SCN3A: variants seen among roughly 807,000 people sequenced by gnomAD.
SCN3A encodes the protein sodium voltage-gated channel alpha subunit 3, also known as sodium channel protein type 3 subunit alpha.
Under a neutral mutation model 187.6 loss-of-function variants are expected in SCN3A, and 60 were observed. That is an observed-to-expected ratio of 0.32 (90% CI 0.26 to 0.40). The LOEUF is 0.40. SCN3A is among the 10% of genes least tolerant of loss of function. SCN3A has a pLI of 1.00. For synonymous variants in SCN3A, 788 were observed against 829.2 expected, an observed-to-expected ratio of 0.95 and a Z score of 0.85; for missense variants, 1,601 against 2,428.2, an observed-to-expected ratio of 0.66 and a Z score of 7.16.
intron 9 of SCN3A, among the ~76,000 whole-genome samples, chr2:165,158,261 CT>C (rs1425737804): frequency 1.1e-5 from 1 of 94,842 alleles, no homozygotes; most frequent in Non-Finnish European, 1.9e-5. Context: ...TACCTTTAGT[CT>C]TACAGACTCC....
In SCN3A at chr2:165,173,207, G is replaced by A. The variant is rs187838684; in HGVS notation, c.265-2659C>T. Among the ~76,000 whole-genome samples, 496 of 152,254 alleles carry A rather than the reference G, an allele frequency of 3.3e-3. 2 individuals carry two copies. Among genetic ancestry groups the A allele is most frequent in the Non-Finnish European group, 4.4e-3 (299 of 68,016 alleles). On this transcript the variant is annotated intron_variant, in intron 3 of 27. Transcript: ENST00000283254. ...TCAATGATTAGGACCACATCAATCAGAGAACTCAAAAAATGATGCAGCCAA... is the reference window on the plus strand; with the variant it reads ...TCAATGATTAGGACCACATCAATCAAAGAACTCAAAAAATGATGCAGCCAA...
At chr2:165,094,226 A>G in intron 26 of SCN3A, 148 bp downstream of exon 26, 1 of 750,478 alleles carries the variant, frequency 1.3e-6, no homozygotes, top group Admixed American at 1.9e-5. Flanking sequence ...TGAGTGCAGA[A>G]GTTGTGAATT....
chr2:165,203,633 G>A (rs991990530), intron 1 of SCN3A, among the ~76,000 whole-genome samples, 190 bp downstream of exon 1: 1 of 151,866 alleles, frequency 6.6e-6, no homozygotes, highest in Non-Finnish European at 1.5e-5. Context: ...TTTCCAGACA[G>A]GCTCTATTTT....
intron 11 of SCN3A, among the ~76,000 whole-genome samples, chr2:165,148,074 G>A (rs929652422): frequency 3.3e-5 from 5 of 151,958 alleles, no homozygotes; most frequent in Non-Finnish European, 5.9e-5. Flanking sequence ...CCCATTAACT[G>A]TAAGCTAGAT....
chr2:165,111,330 C>T (rs898320207), intron 21 of SCN3A, among the ~76,000 whole-genome samples: 4 of 152,054 alleles, frequency 2.6e-5, no homozygotes, highest in Admixed American at 2.0e-4. Context: ...AGCGAAACTC[C>T]GTCTCAAAAA....
chr2:165,095,208 T>C (rs1685310899), intron 25 of SCN3A, among the ~76,000 whole-genome samples: 1 of 152,066 alleles, frequency 6.6e-6, no homozygotes, highest in African/African-American at 2.4e-5. Context: ...AAAATGAAGA[T>C]GGAAAACTGG....
chr2:165,186,303 C>CA lies in SCN3A; in HGVS notation c.-51+247dup, dbSNP rs151304895. Among the ~76,000 whole-genome samples the CA allele has an allele frequency of 6.3e-3, 924 of 147,740 alleles. 4 individuals carry two copies. The highest frequency in any genetic ancestry group is 0.042 in the East Asian group (214 of 5,056). On this transcript the variant is annotated intron_variant, in intron 2 of 27. Transcript: ENST00000283254. ...AACAACAACAACAAAAAAACAAAAA[C>CA]AAAAAAAAAACTGAGTTAATCTCTC... is the stretch of plus-strand genomic sequence containing the variant.
chr2:165,177,662 A>G (rs891717508), intron 2 of SCN3A, among the ~76,000 whole-genome samples: 2 of 152,244 alleles, frequency 1.3e-5, no homozygotes, highest in Non-Finnish European at 2.9e-5. Flanking sequence ...CATGCCGATC[A>G]CCTGGATGAG....
chr2:165,195,758 T>C (rs528540519), intron 1 of SCN3A, among the ~76,000 whole-genome samples: 18 of 152,226 alleles, frequency 1.2e-4, no homozygotes, highest in African/African-American at 4.1e-4. Context: ...AATTTTAAGA[T>C]ACTGAGTAGA....
chr2:165,164,810 C>T (rs535849912), intron 5 of SCN3A, among the ~76,000 whole-genome samples: 5 of 152,076 alleles, frequency 3.3e-5, no homozygotes, highest in South Asian at 4.2e-4. Context: ...GACCTTCTAG[C>T]GCAGCAGTAT....
intron 1 of SCN3A, among the ~76,000 whole-genome samples, chr2:165,187,172 T>G (rs1691295888): frequency 6.6e-6 from 1 of 152,184 alleles, no homozygotes; most frequent in Non-Finnish European, 1.5e-5. Context: ...CACATTGGTG[T>G]TGTAGGTCAT....
chr2:165,147,863 C>T (rs1688447578), intron 11 of SCN3A, among the ~76,000 whole-genome samples: 3 of 151,994 alleles, frequency 2.0e-5, no homozygotes, highest in African/African-American at 7.2e-5. Flanking sequence ...TATTTTTAGA[C>T]TGGAAATGAT....
rs750658749 is a variant in SCN3A, at chr2:165,091,187, A to G, written c.4966T>C (p.Phe1656Leu). ...FALMMSLPALFNIGLLLFLVM... is the reference protein window; with the variant it reads ...FALMMSLPALLNIGLLLFLVM... ...AGGAAGAGCAGGAGGCCGATGTTAA[A>G]CAACGCAGGAAGGGACATCATCAAA... The change falls in exon 28 of 28, where the codon TTT (phenylalanine) becomes CTT (leucine). Residue 1656 changes from phenylalanine to leucine, a missense_variant. Physicochemically the swap from Phe to Leu is conservative, Grantham distance 22. Around this residue, in one of 11 missense-constraint regions of SCN3A, gnomAD observed 320 missense variants for 623.2 expected, o/e 0.51. Coordinates refer to ENST00000283254, the MANE Select transcript of SCN3A (RefSeq NM_006922.4). 3 of 1,614,142 alleles carry G rather than the reference A, an allele frequency of 1.9e-6. No homozygotes were observed. The highest frequency in any genetic ancestry group is 2.5e-6 in the Non-Finnish European group (3 of 1,180,004).
At chr2:165,170,588 T>C in intron 3 of SCN3A, 40 bp from the exon 4 acceptor site, 1 of 1,194,576 alleles carries the variant, frequency 8.4e-7, no homozygotes. Flanking sequence ...AAATTAGACA[T>C]GGGCTTATTT....
At position 165,163,045 on chromosome 2, in the gene SCN3A, A is replaced by T. The variant is rs142489454; in HGVS notation, c.695-217T>A. Among the ~76,000 whole-genome samples, 155 of 152,330 alleles carry T rather than the reference A, an allele frequency of 1.0e-3. 1 individual carries two copies. Among genetic ancestry groups the T allele is most frequent in the African/African-American group, 3.6e-3 (151 of 41,584 alleles). On this transcript the variant is annotated intron_variant, in intron 7 of 27. Transcript: ENST00000283254. ...ATTCAATATGAAGGTTTAAATATCT[A>T]GTCAGGAAGTTTTGTTTGTGTGGTT...
At chr2:165,163,944 A>G (rs899586020) in intron 6 of SCN3A, 2 of 1,508,336 alleles carry the variant, frequency 1.3e-6, no homozygotes, top group Non-Finnish European at 9.2e-7. Context: ...TTTATACTAA[A>G]TAAGGACTTA....
At chr2:165,138,208 G>T in intron 14 of SCN3A, 91 bp from the exon 15 acceptor site, 3 of 906,074 alleles carry the variant, frequency 3.3e-6, no homozygotes, top group Non-Finnish European at 5.5e-6. Context: ...CAAAATTGAT[G>T]CTTATATTTG....
At chr2:165,133,286 A>G (rs961805657) in intron 15 of SCN3A, among the ~76,000 whole-genome samples, 12 of 152,344 alleles carry the variant, frequency 7.9e-5, no homozygotes, top group Non-Finnish European at 1.3e-4. Flanking sequence ...TACTGGGTAT[A>G]TACCCAAAGG....
In SCN3A at chr2:165,139,550, A is replaced by T; in HGVS notation, c.2078T>A (p.Met693Lys). The change falls in exon 14 of 28, where the codon ATG becomes AAG. Residue 693 changes from methionine to lysine, a missense_variant. Physicochemically the swap from Met to Lys is moderately conservative, Grantham distance 95. Around this residue, in one of 11 missense-constraint regions of SCN3A, gnomAD observed 376 missense variants for 476.0 expected, o/e 0.79. Coordinates refer to ENST00000283254, the MANE Select transcript of SCN3A (RefSeq NM_006922.4). Reference protein sequence around the residue: ...KRRLSSYQISMEMLEDSSGRQ... With the variant: ...KRRLSSYQISKEMLEDSSGRQ... Reference sequence around the variant, plus strand: ...TCCAGAGGAATCCTCCAGCATCTCCATTGAAATCTGGTAAGAGCTTAACCT... The same window carrying T: ...TCCAGAGGAATCCTCCAGCATCTCCTTTGAAATCTGGTAAGAGCTTAACCT... 1.2e-6 allele frequency: 2 copies of T among 1,613,856 alleles called. No homozygotes were observed. Among genetic ancestry groups the T allele is most frequent in the Non-Finnish European group, 1.7e-6 (2 of 1,179,848 alleles).
Sources: gnomAD v4.1 joint callset for allele counts (sites outside exome capture counted in the v4.1 genomes callset) on GRCh38, gnomAD v4.1.1 for gene constraint, gnomAD v4.1.1 regional missense constraint, MANE v1.5 for transcripts, NCBI Gene and HGNC (gene_info 2026-07-23, HGNC 2026-07-21) for gene names.